Variants in CSMD1 observed in about 807,000 individuals in gnomAD.
The protein encoded by CSMD1 is CUB and sushi domain-containing protein 1.
A neutral mutation model predicts 417.5 loss-of-function variants in CSMD1; 213 were observed. The observed-to-expected ratio is 0.51, with a 90% CI of 0.46 to 0.57. The LOEUF (loss-of-function observed/expected upper bound fraction) is 0.57. Ranked by LOEUF, CSMD1 falls within the 20% of genes least tolerant of loss-of-function variation. CSMD1 has a pLI of 0.00. For synonymous variants in CSMD1, 2,862 were observed against 1,736.8 expected (o/e 1.65, Z -16.11); for missense variants, 6,923 against 4,529.7 (o/e 1.53, Z -15.17).
intron 3 of CSMD1, among the ~76,000 whole-genome samples, chr8:4,131,436 G>A (rs182598024): frequency 2.0e-5 from 3 of 152,198 alleles, no homozygotes; most frequent in African/African-American, 7.2e-5. Context: ...AACTACCCCT[G>A]AGGTCAAATA....
At chr8:3,736,025 G>A (rs902116988) in intron 6 of CSMD1, among the ~76,000 whole-genome samples, 1 of 151,694 alleles carries the variant, frequency 6.6e-6, no homozygotes. Flanking sequence ...AAAAATAGAG[G>A]GAATAGAAAT....
intron 2 of CSMD1, among the ~76,000 whole-genome samples, chr8:4,451,675 G>A (rs907870364): frequency 2.6e-5 from 4 of 152,072 alleles, no homozygotes; most frequent in African/African-American, 7.2e-5. Flanking sequence ...TGAGTTCACT[G>A]ATGACCATGA....
intron 3 of CSMD1, among the ~76,000 whole-genome samples, chr8:4,269,411 G>A (rs1053589677): frequency 3.3e-5 from 5 of 152,116 alleles, no homozygotes; most frequent in African/African-American, 1.2e-4. Flanking sequence ...CTAAGGCTGT[G>A]TAGCTTTTGA....
chr8:4,792,564 A>G (rs776974783), intron 1 of CSMD1, among the ~76,000 whole-genome samples: 2 of 152,178 alleles, frequency 1.3e-5, no homozygotes, highest in African/African-American at 2.4e-5. Context: ...ACCACACTCA[A>G]CAGTTGTCAG....
intron 1 of CSMD1, among the ~76,000 whole-genome samples, chr8:4,943,915 G>C (rs1250298011): frequency 1.3e-5 from 2 of 152,226 alleles, no homozygotes; most frequent in African/African-American, 2.4e-5. Flanking sequence ...CGGTGATGGA[G>C]GGCCGAGCTG....
chr8:3,025,033 A>G (rs1809750296), intron 51 of CSMD1, among the ~76,000 whole-genome samples: 1 of 150,434 alleles, frequency 6.6e-6, no homozygotes, highest in Non-Finnish European at 1.5e-5. Flanking sequence ...GTGCGGTGTT[A>G]TTCTGAAACC....
intron 2 of CSMD1, among the ~76,000 whole-genome samples, chr8:4,543,764 A>G (rs971249655): frequency 1.3e-5 from 2 of 148,422 alleles, no homozygotes; most frequent in African/African-American, 4.9e-5. Flanking sequence ...AATGACTGAG[A>G]GTTCCAGTGG....
At chr8:2,949,478 A>G (rs1802478054) in intron 67 of CSMD1, 92 bp from the exon 68 acceptor site, 1 of 603,904 alleles carries the variant, frequency 1.7e-6, no homozygotes, top group Non-Finnish European at 2.7e-6. Context: ...TACAACTGTT[A>G]TATCTCATAT....
chr8:4,888,739 G>A (rs1258952578), intron 1 of CSMD1, among the ~76,000 whole-genome samples: 1 of 152,038 alleles, frequency 6.6e-6, no homozygotes, highest in African/African-American at 2.4e-5. Context: ...GCCAAGCCTG[G>A]GATATGTGTT....
intron 37 of CSMD1, among the ~76,000 whole-genome samples, chr8:3,173,961 G>T (rs1005556986): frequency 6.6e-6 from 1 of 152,102 alleles, no homozygotes; most frequent in African/African-American, 2.4e-5. Flanking sequence ...AGGACATAAG[G>T]CATTTTCCAG....
intron 7 of CSMD1, among the ~76,000 whole-genome samples, chr8:3,647,116 A>T (rs1797615509): frequency 6.6e-6 from 1 of 152,200 alleles, no homozygotes; most frequent in Non-Finnish European, 1.5e-5. Flanking sequence ...AATCCCAGGA[A>T]GGAATAAATC....
chr8:3,284,734 G>A (rs1415892690), intron 25 of CSMD1: 4 of 215,218 alleles, frequency 1.9e-5, no homozygotes, highest in Admixed American at 1.0e-4. Flanking sequence ...CAGCTTCGGT[G>A]CAGTCAGTGT....
intron 1 of CSMD1, among the ~76,000 whole-genome samples, chr8:4,823,424 A>C (rs1016683514): frequency 6.6e-6 from 1 of 152,110 alleles, no homozygotes; most frequent in Non-Finnish European, 1.5e-5. Context: ...TTTCAGCTAC[A>C]TAACCTTAGT....
intron 26 of CSMD1, among the ~76,000 whole-genome samples, chr8:3,235,916 G>GTTTTTTTTTTTTTTTTTTTTT (rs11414439): frequency 8.4e-6 from 1 of 119,378 alleles, no homozygotes; most frequent in Non-Finnish European, 1.6e-5. Flanking sequence ...GAAGATGTAA[G>GTTTTTTTTTTTTTTTTTTTTT]TTTTTTTTTT....
At chr8:3,243,166 C>T (rs943379170) in intron 26 of CSMD1, among the ~76,000 whole-genome samples, 4 of 152,004 alleles carry the variant, frequency 2.6e-5, no homozygotes, top group African/African-American at 4.8e-5. Context: ...AGTAAGAGGC[C>T]GCTTACCCGA....
At chr8:3,884,870 T>C (rs1450235145) in intron 5 of CSMD1, among the ~76,000 whole-genome samples, 1 of 151,004 alleles carries the variant, frequency 6.6e-6, no homozygotes. Context: ...CTGAGAATTT[T>C]GCTACCATAA....
At chr8:4,112,152 G>T (rs1053952760) in intron 3 of CSMD1, among the ~76,000 whole-genome samples, 3 of 152,184 alleles carry the variant, frequency 2.0e-5, no homozygotes, top group Admixed American at 6.5e-5. Flanking sequence ...GGCATCCAGA[G>T]CTTAAAAGAG....
intron 2 of CSMD1, among the ~76,000 whole-genome samples, chr8:4,550,501 A>C (rs889384862): frequency 3.3e-5 from 5 of 152,148 alleles, no homozygotes; most frequent in Admixed American, 1.3e-4. Flanking sequence ...CTCTATCTTT[A>C]ACTGTGCGGA....
At chr8:4,328,235 C>T (rs921851373) in intron 3 of CSMD1, among the ~76,000 whole-genome samples, 3 of 138,230 alleles carry the variant, frequency 2.2e-5, no homozygotes, top group African/African-American at 5.7e-5. Context: ...ACATTGCACT[C>T]AATACAATTT....
Sources: gnomAD v4.1 joint callset for allele counts (sites outside exome capture counted in the v4.1 genomes callset) on GRCh38, gnomAD v4.1.1 for gene constraint, MANE v1.5 for transcripts, NCBI Gene and HGNC (gene_info 2026-07-23, HGNC 2026-07-21) for gene names.